The following ATP5F1A variants were observed in gnomAD, a reference collection of about 807,000 sequenced individuals.
ATP5F1A encodes ATP synthase F1 subunit alpha, also known as ATP synthase F(1) complex subunit alpha, mitochondrial.
ATP5F1A carries 24 observed loss-of-function variants against 57.4 expected under a neutral mutation model. The ratio of observed to expected loss-of-function variants is 0.42; its 90% CI spans 0.30 to 0.59. The LOEUF is 0.59. Ranked by LOEUF, ATP5F1A falls within the 20% of genes least tolerant of loss-of-function variation. ATP5F1A has a pLI of 0.19. For missense variants in ATP5F1A, 494 were observed against 707.9 expected (o/e 0.70, Z 3.43); for synonymous variants, 251 against 255.5 (o/e 0.98, Z 0.17).
chr18:46,101,076 C>T (rs1017445410), upstream of ATP5F1A, among the ~76,000 whole-genome samples: 1 of 151,932 alleles, frequency 6.6e-6, no homozygotes, highest in South Asian at 2.1e-4. Flanking sequence ...CATCTCAAAA[C>T]AAACAAACAA....
intron 5 of ATP5F1A, 55 bp from the exon 6 acceptor site, chr18:46,088,312 T>C: frequency 4.1e-6 from 6 of 1,453,276 alleles, no homozygotes; most frequent in Non-Finnish European, 5.6e-6. Flanking sequence ...GACTTCCCTG[T>C]GGGGGAAAGA....
Position 46,087,062 on chromosome 18 carries a change from A to G in ATP5F1A, c.1122T>C (p.Ala374=), listed in dbSNP as rs907482661. The change falls in exon 8 of 12, where the codon GCT becomes GCC. Residue 374 remains alanine (A), a synonymous_variant. Transcript: ENST00000398752. The part of the protein sequence containing the change: ...LTALPVIETQ[A]GDVSAYIPTN... ...TTGGAATGTAAGCAGACACATCACC[A>G]GCCTGTGTTTCTATGACTGGCAAAG... 1.9e-6 allele frequency: 3 copies of G among 1,613,952 alleles called. No homozygotes were observed. In the African/African-American group the frequency reaches 4.0e-5, roughly 22 times the overall value.
rs71160709 is a variant in ATP5F1A at position 46,096,982 on chromosome 18, C to CAAAA, written c.60+1186_60+1189dup. On this transcript the variant is annotated intron_variant, in intron 1 of 11. Transcript: ENST00000398752. ...TGGGCGACTGAGCGAGACACCATCT[C>CAAAA]AAAAAAAAAAAAAAAAAAAAAAAAC... Among the ~76,000 whole-genome samples the CAAAA allele has an allele frequency of 7.7e-4, 58 of 75,038 alleles. 1 individual carries two copies. Among genetic ancestry groups the CAAAA allele is most frequent in the African/African-American group, 2.6e-3 (41 of 16,068 alleles). The allele number at this position is 75,038 out of a possible 152,430, so 49.2% of individuals were successfully genotyped here.
At chr18:46,094,102 C>A in intron 2 of ATP5F1A, among the ~76,000 whole-genome samples, 1 of 148,262 alleles carries the variant, frequency 6.7e-6, no homozygotes, top group African/African-American at 2.6e-5. Flanking sequence ...AGCAAAACTC[C>A]ATCTCAAAAA....
intron 3 of ATP5F1A, 123 bp downstream of exon 3, chr18:46,091,559 G>C: frequency 9.1e-7 from 1 of 1,103,202 alleles, no homozygotes; most frequent in Non-Finnish European, 1.3e-6. Context: ...ATAATAACAA[G>C]AAAAAAATCT....
intron 1 of ATP5F1A, among the ~76,000 whole-genome samples, chr18:46,097,418 TTC>T (rs1568255268): frequency 6.6e-6 from 1 of 152,126 alleles, no homozygotes; most frequent in East Asian, 1.9e-4. Flanking sequence ...TCCAACCTTG[TTC>T]TCTTTTACTT....
chr18:46,090,093 G>GCCCCC, intron 3 of ATP5F1A, 97 bp from the exon 4 acceptor site: 1 of 414,300 alleles, frequency 2.4e-6, no homozygotes, highest in Non-Finnish European at 4.3e-6. Context: ...GGTGGGGGGG[G>GCCCCC]AAGCAGTATT....
chr18:46,103,267 TCA>T (rs1439382836), upstream of ATP5F1A, among the ~76,000 whole-genome samples: 3 of 97,354 alleles, frequency 3.1e-5, no homozygotes, highest in African/African-American at 1.4e-4. Flanking sequence ...CAAGATCATG[TCA>T]CTCTGCACTC....
At chr18:46,086,532 A>C in intron 8 of ATP5F1A, 38 bp from the exon 9 acceptor site, 1 of 1,565,570 alleles carries the variant, frequency 6.4e-7, no homozygotes, top group Non-Finnish European at 8.7e-7. Flanking sequence ...GCAAGCTTAA[A>C]GTAAGAAATC....
At position 46,093,360 on chromosome 18, in the gene ATP5F1A, T is replaced by C. The variant is rs376100474; in HGVS notation, c.140-1509A>G. 21 of 143,804 alleles carry C rather than the reference T, an allele frequency of 1.5e-4. No homozygotes were observed. In the East Asian group the frequency reaches 2.3e-3, roughly 16 times the overall value. The allele number at this position is 143,804 out of a possible 1,614,324, so 8.9% of individuals were successfully genotyped here. A position where few individuals can be genotyped will look rare whatever the true frequency, so the allele number is the denominator to read the frequency against. Reference sequence around the variant, plus strand: ...GCCTGGCCAACACAGCAAAATCCCATCTCTACTAAGGAAAAAAAAAAAAAA... The same window carrying C: ...GCCTGGCCAACACAGCAAAATCCCACCTCTACTAAGGAAAAAAAAAAAAAA... On this transcript the variant is annotated intron_variant, in intron 2 of 11. Transcript: ENST00000398752.
upstream of ATP5F1A, among the ~76,000 whole-genome samples, chr18:46,101,869 G>A (rs1419715118): frequency 1.5e-5 from 2 of 129,776 alleles, no homozygotes; most frequent in Non-Finnish European, 3.1e-5. Flanking sequence ...AACACAGTGA[G>A]ATTCTGTCTG....
chr18:46,089,580 A>G lies in ATP5F1A; in HGVS notation c.636T>C (p.Gly212=). Residue 212 remains glycine (G), a synonymous_variant, in exon 5 of 12, where the codon GGT becomes GGC. Coordinates refer to ENST00000398752, the MANE Select transcript of ATP5F1A (RefSeq NM_004046.6). ...IGRGQRELII[G]DRQTGKTSIA... ...TGAGTCTTTACCCAGTCTGTCGGTCACCAATAATCAGTTCACGCTGACCAC... is the reference window on the plus strand; with the variant it reads ...TGAGTCTTTACCCAGTCTGTCGGTCGCCAATAATCAGTTCACGCTGACCAC... 1 of 1,613,900 alleles carries G rather than the reference A, an allele frequency of 6.2e-7. No homozygotes were observed. Among genetic ancestry groups the G allele is most frequent in the East Asian group, 2.2e-5 (1 of 44,886 alleles).
At position 46,084,325 on chromosome 18, in the gene ATP5F1A, A is replaced by G; in HGVS notation, c.1619T>C (p.Leu540Pro). The G allele has an allele frequency of 6.2e-7, 1 of 1,613,594 alleles. No homozygotes were observed. The highest frequency in any genetic ancestry group is 1.3e-5 in the African/African-American group (1 of 75,040). ...CAAGAAATTTGTTACAATCTCTTTC[A>G]GCTTTGCATCTGATTGTTCTGAGAT... ...GKISEQSDAKLKEIVTNFLAG... is the reference protein window; with the variant it reads ...GKISEQSDAKPKEIVTNFLAG... Residue 540 changes from leucine (L) to proline (P), a missense_variant, in exon 12 of 12, where the codon CTG (leucine) becomes CCG (proline). Leu to Pro is a moderately conservative substitution (Grantham distance 98). Around this residue, in one of 6 missense-constraint regions of ATP5F1A, gnomAD observed 127 missense variants for 195.2 expected, o/e 0.65. Coordinates refer to ENST00000398752, the MANE Select transcript of ATP5F1A (RefSeq NM_004046.6).
chr18:46,085,935 A>T, intron 10 of ATP5F1A, 178 bp downstream of exon 10: 1 of 618,146 alleles, frequency 1.6e-6, no homozygotes, highest in Non-Finnish European at 2.4e-6. Flanking sequence ...CTTCGTCTCA[A>T]AAAAAAAAAA....
rs750242726 is a variant in ATP5F1A, at chr18:46,098,253, G to C, written c.-22C>G. 6.2e-7 allele frequency: 1 copy of C among 1,600,922 alleles called. No individual in the cohort carries two copies. Among genetic ancestry groups the C allele is most frequent in the Non-Finnish European group, 8.5e-7 (1 of 1,177,300 alleles). On this transcript the variant is annotated 5_prime_UTR_variant, in exon 1 of 12. Coordinates refer to ENST00000398752, the MANE Select transcript of ATP5F1A (RefSeq NM_004046.6). ...GCATCTTTGCAGTTACTCCGCAGGC[G>C]GTACTTCTGCAGCCGCAGCCTCCGG...
At chr18:46,096,333 T>C (rs1162770079) in intron 1 of ATP5F1A, among the ~76,000 whole-genome samples, 11 of 151,716 alleles carry the variant, frequency 7.3e-5, no homozygotes, top group Non-Finnish European at 8.8e-5. Flanking sequence ...AAACCCCGTC[T>C]CTACTAGAAA....
chr18:46,084,662 G>A lies in ATP5F1A; in HGVS notation c.1430-8C>T. On this transcript the variant is annotated splice_region_variant and splice_polypyrimidine_tract_variant and intron_variant, in intron 10 of 11. Coordinates refer to ENST00000398752, the MANE Select transcript of ATP5F1A (RefSeq NM_004046.6). ...CTTCAATAGCCATGGGAGCTGAAAA[G>A]ATACAAGAAGAATGCCAAGTGAGTT... is the stretch of plus-strand genomic sequence containing the variant. The A allele has an allele frequency of 1.3e-6, 2 of 1,549,130 alleles. No homozygotes were observed. The highest frequency in any genetic ancestry group is 2.3e-5 in the East Asian group (1 of 43,252).
chr18:46,094,300 A>T (rs1910784502), intron 2 of ATP5F1A, among the ~76,000 whole-genome samples: 1 of 151,868 alleles, frequency 6.6e-6, no homozygotes. Flanking sequence ...TTGCCTCCCC[A>T]CTTCTCTACT....
rs548271044 is a variant in ATP5F1A at position 46,095,060 on chromosome 18, T to C, written c.132A>G (p.Gln44=). Residue 44 remains glutamine, a synonymous_variant, in exon 2 of 12, where the codon CAA becomes CAG. Transcript: ENST00000398752. ...RNFHASNTHL[Q]KTGTAEMSSI... ...TGAGAAATAATAACTTACCAGTCTT[T>C]TGAAGATGAGTGTTAGAGGCATGGA... is the stretch of plus-strand genomic sequence containing the variant. The C allele has an allele frequency of 6.8e-6, 11 of 1,611,294 alleles. No individual in the cohort carries two copies. The Middle Eastern group carries it at 9.9e-4, about 146-fold the overall frequency.
Sources: allele counts gnomAD v4.1 joint callset (sites outside exome capture counted in the v4.1 genomes callset), GRCh38; gene constraint gnomAD v4.1.1; regional missense constraint gnomAD v4.1.1; transcripts MANE v1.5; gene names NCBI Gene and HGNC (gene_info 2026-07-23, HGNC 2026-07-21).